Variants in LTBP1 observed in about 807,000 individuals in gnomAD.
LTBP1 encodes the protein latent-transforming growth factor beta-binding protein 1.
Under a neutral mutation model 207.6 loss-of-function variants are expected in LTBP1, and 129 were observed. The ratio of observed to expected loss-of-function variants is 0.62; its 90% CI spans 0.54 to 0.72. The LOEUF is 0.72. LTBP1 is among the 30% of genes least tolerant of loss of function. LTBP1 has a pLI of 0.00. For synonymous variants in LTBP1, 963 were observed against 833.7 expected (o/e 1.16, Z -2.67); for missense variants, 2,281 against 2,217.2 (o/e 1.03, Z -0.58).
intron 5 of LTBP1, among the ~76,000 whole-genome samples, chr2:33,177,622 C>T (rs536853710): frequency 6.7e-6 from 1 of 150,188 alleles, no homozygotes; most frequent in Non-Finnish European, 1.5e-5. Context: ...GAGCCGAGAT[C>T]ACACCACTAC....
At chr2:33,176,209 G>T (rs1358070055) in intron 5 of LTBP1, among the ~76,000 whole-genome samples, 1 of 136,992 alleles carries the variant, frequency 7.3e-6, no homozygotes, top group African/African-American at 2.7e-5. Flanking sequence ...ATCCAATTTT[G>T]ACATGTTAAT....
chr2:33,279,694 T>A (rs1445675405), intron 18 of LTBP1, among the ~76,000 whole-genome samples: 2 of 152,212 alleles, frequency 1.3e-5, no homozygotes, highest in Admixed American at 6.5e-5. Flanking sequence ...CCATTCTTTG[T>A]ATTTCTTTCT....
At chr2:33,289,837 G>C (rs1014942995) in intron 19 of LTBP1, among the ~76,000 whole-genome samples, 5 of 152,164 alleles carry the variant, frequency 3.3e-5, no homozygotes, top group African/African-American at 1.2e-4. Context: ...ATGAAAACCA[G>C]AGGCATAATC....
chr2:33,188,444 A>AAAAAAAAAAAATTTTGATG, intron 6 of LTBP1, 133 bp from the exon 7 acceptor site: 3 of 609,944 alleles, frequency 4.9e-6, no homozygotes, highest in Non-Finnish European at 2.7e-6. Flanking sequence ...AAAAAAAAAA[A>AAAAAAAAAAAATTTTGATG]GAATTTTGAT....
At chr2:33,304,775 T>A (rs761284049) in intron 22 of LTBP1, among the ~76,000 whole-genome samples, 24 of 152,248 alleles carry the variant, frequency 1.6e-4, no homozygotes, top group Non-Finnish European at 3.2e-4. Context: ...TTACAATGTC[T>A]TTCCCTTTCC....
At position 33,398,359 on chromosome 2, in the gene LTBP1, T is replaced by C. The variant is rs758354889; in HGVS notation, c.4985-5T>C. 1 of 1,612,718 alleles carries C rather than the reference T, an allele frequency of 6.2e-7. No homozygotes were observed. Among genetic ancestry groups the C allele is most frequent in the African/African-American group, 1.3e-5 (1 of 75,038 alleles). On this transcript the variant is annotated splice_polypyrimidine_tract_variant and splice_region_variant and intron_variant, in intron 33 of 33. Coordinates refer to ENST00000404816, the MANE Select transcript of LTBP1 (RefSeq NM_206943.4). ...TGTTTACCTGCATGGCTTGACTTAT[T>C]GCAGATGTAAATGAATGCGATGAGT...
At chr2:33,266,969 C>G (rs2093200151) in intron 15 of LTBP1, among the ~76,000 whole-genome samples, 2 of 152,214 alleles carry the variant, frequency 1.3e-5, no homozygotes, top group Non-Finnish European at 2.9e-5. Context: ...TTTGGGGAGC[C>G]CAAACCTAGG....
chr2:33,091,160 G>T (rs2079066806), intron 3 of LTBP1, among the ~76,000 whole-genome samples: 1 of 152,156 alleles, frequency 6.6e-6, no homozygotes, highest in Non-Finnish European at 1.5e-5. Context: ...GTCTACGTGT[G>T]TGTATGTATG....
Position 33,262,598 on chromosome 2 carries a change from A to G in LTBP1, c.2419-124A>G. ...AATTATACATGTAAGGTCCTATGAT[A>G]TTTCTTTGCCTTTCTAAGAATATAA... is the stretch of plus-strand genomic sequence containing the variant. On this transcript the variant is annotated intron_variant, in intron 13 of 33. Transcript: ENST00000404816. 3 of 390,854 alleles carry G rather than the reference A, an allele frequency of 7.7e-6. No homozygotes were observed. The South Asian group carries it at 1.8e-4, about 24-fold the overall frequency. 24.2% of individuals were successfully genotyped at this position (390,854 alleles called of 1,614,324 possible).
chr2:33,086,647 G>A lies in LTBP1; in HGVS notation c.864-23935G>A, dbSNP rs368579323. Among the ~76,000 whole-genome samples, 9 of 152,294 alleles carry A rather than the reference G, an allele frequency of 5.9e-5. No individual in the cohort carries two copies. In the South Asian group the frequency reaches 8.3e-4, roughly 14 times the overall value. ...AGCTGTAAGACTTCTGGGCAGCACCGCACGGTAGGCTTTCTATAAGCTTAG... is the reference window on the plus strand; with the variant it reads ...AGCTGTAAGACTTCTGGGCAGCACCACACGGTAGGCTTTCTATAAGCTTAG... On this transcript the variant is annotated intron_variant, in intron 3 of 33. Transcript: ENST00000404816.
At chr2:33,194,785 T>C (rs2088352092) in intron 7 of LTBP1, among the ~76,000 whole-genome samples, 2 of 152,246 alleles carry the variant, frequency 1.3e-5, no homozygotes, top group African/African-American at 4.8e-5. Flanking sequence ...CTGAAGAAGA[T>C]GCCATTTAGG....
chr2:33,226,879 T>C (rs972356713), intron 9 of LTBP1, among the ~76,000 whole-genome samples: 10 of 152,198 alleles, frequency 6.6e-5, no homozygotes, highest in Non-Finnish European at 1.3e-4. Flanking sequence ...TAAGTCCTGC[T>C]GATCTCCTAC....
intron 19 of LTBP1, among the ~76,000 whole-genome samples, chr2:33,287,156 AT>A (rs2093682734): frequency 6.6e-6 from 1 of 152,226 alleles, no homozygotes; most frequent in South Asian, 2.1e-4. Flanking sequence ...TTGTGGGAAC[AT>A]TAATTATTAT....
At chr2:33,159,986 A>AT (rs148939399) in intron 5 of LTBP1, among the ~76,000 whole-genome samples, 2,254 of 152,002 alleles carry the variant, frequency 0.015, 22 homozygotes, top group East Asian at 0.027. Context: ...GGCTCAAGCA[A>AT]TTTTTCTACC....
chr2:33,184,783 T>TTTG (rs1553444090), intron 5 of LTBP1, among the ~76,000 whole-genome samples: 3 of 2,488 alleles, frequency 1.2e-3, no homozygotes, highest in Non-Finnish European at 0.012. Flanking sequence ...TATTTTCTGT[T>TTTG]TTTTTTTTTT....
At chr2:33,385,980 TG>T in intron 31 of LTBP1, among the ~76,000 whole-genome samples, 1 of 152,186 alleles carries the variant, frequency 6.6e-6, no homozygotes, top group African/African-American at 2.4e-5. Flanking sequence ...AAAAAACGCA[TG>T]GCAGGGGAAG....
chr2:33,121,987 T>C (rs897264063), intron 4 of LTBP1, among the ~76,000 whole-genome samples: 3 of 152,220 alleles, frequency 2.0e-5, no homozygotes, highest in African/African-American at 4.8e-5. Flanking sequence ...TGGTAAATCG[T>C]ATAATATATG....
chr2:32,973,612 A>G (rs911533403), intron 2 of LTBP1, among the ~76,000 whole-genome samples: 3 of 152,164 alleles, frequency 2.0e-5, no homozygotes, highest in Non-Finnish European at 2.9e-5. Context: ...ACATTCCTTA[A>G]GCCATTTAAA....
At chr2:33,362,311 T>C (rs1011552400) in intron 28 of LTBP1, among the ~76,000 whole-genome samples, 3 of 152,010 alleles carry the variant, frequency 2.0e-5, no homozygotes, top group Non-Finnish European at 4.4e-5. Flanking sequence ...TATAATTCAG[T>C]AGCTGGATAA....
Sources: allele counts gnomAD v4.1 joint callset (sites outside exome capture counted in the v4.1 genomes callset), GRCh38; gene constraint gnomAD v4.1.1; transcripts MANE v1.5; gene names NCBI Gene and HGNC (gene_info 2026-07-23, HGNC 2026-07-21).